DAAM1: variants seen among roughly 807,000 people sequenced by gnomAD.
The protein encoded by DAAM1 is dishevelled associated activator of morphogenesis 1, also known as disheveled-associated activator of morphogenesis 1.
In DAAM1, 52 loss-of-function variants were observed where a neutral mutation model predicts 130.0. That is an observed-to-expected ratio of 0.40 (90% CI 0.32 to 0.50). The LOEUF is 0.50. Among genes scored for constraint, DAAM1 ranks in the 20% least tolerant of loss-of-function variants. DAAM1 has a pLI of 0.61. For synonymous variants in DAAM1, 452 were observed against 444.5 expected, an observed-to-expected ratio of 1.02 and a Z score of -0.21; for missense variants, 1,134 against 1,303.8, an observed-to-expected ratio of 0.87 and a Z score of 2.01.
At chr14:59,313,090 A>G (rs181404436) in intron 3 of DAAM1, among the ~76,000 whole-genome samples, 49 of 152,362 alleles carry the variant, frequency 3.2e-4, no homozygotes, top group African/African-American at 1.2e-3. Flanking sequence ...TCCTCCTGCC[A>G]GAGAACAATT....
chr14:59,227,835 C>T (rs1888988772), intron 1 of DAAM1, among the ~76,000 whole-genome samples: 1 of 152,204 alleles, frequency 6.6e-6, no homozygotes, highest in South Asian at 2.1e-4. Context: ...TAGGGGCACC[C>T]AGGACTAATG....
chr14:59,218,810 C>T (rs919491453), intron 1 of DAAM1, among the ~76,000 whole-genome samples: 36 of 152,230 alleles, frequency 2.4e-4, no homozygotes, highest in African/African-American at 8.2e-4. Context: ...GCTATCTTTA[C>T]CCTGAAATTT....
At chr14:59,268,298 T>C (rs754435839) in intron 2 of DAAM1, among the ~76,000 whole-genome samples, 2 of 152,242 alleles carry the variant, frequency 1.3e-5, no homozygotes, top group Non-Finnish European at 2.9e-5. Flanking sequence ...AAAGCTGCTA[T>C]AAATATCCAT....
At chr14:59,213,642 T>C (rs1888494513) in intron 1 of DAAM1, among the ~76,000 whole-genome samples, 1 of 152,234 alleles carries the variant, frequency 6.6e-6, no homozygotes, top group Admixed American at 6.5e-5. Context: ...CAAATCTGTT[T>C]CAGCCCTTAA....
At chr14:59,268,835 C>G (rs1005592893) in intron 2 of DAAM1, among the ~76,000 whole-genome samples, 5 of 152,078 alleles carry the variant, frequency 3.3e-5, no homozygotes, top group African/African-American at 1.2e-4. Flanking sequence ...GAAATATAAC[C>G]AATATGAATA....
chr14:59,207,282 A>G (rs1015617476), intron 1 of DAAM1, among the ~76,000 whole-genome samples: 1 of 152,228 alleles, frequency 6.6e-6, no homozygotes, highest in East Asian at 1.9e-4. Flanking sequence ...TCACTACCAG[A>G]CAAAATTCAT....
At chr14:59,281,357 C>T (rs537965264) in intron 2 of DAAM1, among the ~76,000 whole-genome samples, 4 of 152,314 alleles carry the variant, frequency 2.6e-5, no homozygotes, top group Admixed American at 2.6e-4. Context: ...GTTTTCTGCT[C>T]CAAAGGTGAA....
At chr14:59,342,214 T>C (rs1385007364) in intron 16 of DAAM1, among the ~76,000 whole-genome samples, 2 of 152,194 alleles carry the variant, frequency 1.3e-5, no homozygotes, top group Non-Finnish European at 2.9e-5. Flanking sequence ...ATTATTACAG[T>C]GAGCACAATT....
intron 1 of DAAM1, among the ~76,000 whole-genome samples, chr14:59,246,839 A>G (rs1433109015): frequency 6.6e-6 from 1 of 152,146 alleles, no homozygotes; most frequent in African/African-American, 2.4e-5. Context: ...CATGTTGGTC[A>G]TTTGTATGTC....
chr14:59,312,107 G>T (rs1884621926), intron 3 of DAAM1, among the ~76,000 whole-genome samples: 2 of 152,082 alleles, frequency 1.3e-5, no homozygotes, highest in Admixed American at 6.6e-5. Flanking sequence ...GTAATTATAG[G>T]CTAAATTCCT....
At chr14:59,301,923 C>T (rs1241171890) in intron 3 of DAAM1, among the ~76,000 whole-genome samples, 1 of 152,188 alleles carries the variant, frequency 6.6e-6, no homozygotes, top group African/African-American at 2.4e-5. Flanking sequence ...AATGTGTGTG[C>T]TTTGTGGATA....
rs146476813 is a variant in DAAM1 at position 59,242,862 on chromosome 14, C to T, written c.-37-20579C>T. ...AGCCACCGTGCCCAGCCGCTGGGTA[C>T]TATTATTATTTTCATTTTACAGATG... On this transcript the variant is annotated intron_variant, in intron 1 of 24. Coordinates refer to ENST00000360909, the MANE Select transcript of DAAM1 (RefSeq NM_001270520.2). 3.9e-5 allele frequency among the ~76,000 whole-genome samples: 6 copies of T among 152,146 alleles called. No individual in the cohort carries two copies. The East Asian group carries it at 9.7e-4, about 25-fold the overall frequency.
chr14:59,343,138 A>C (rs961033856), intron 16 of DAAM1, among the ~76,000 whole-genome samples: 1 of 152,208 alleles, frequency 6.6e-6, no homozygotes, highest in Admixed American at 6.5e-5. Flanking sequence ...GGGTGCCTGC[A>C]TGGGAGCTGC....
At chr14:59,307,615 T>C (rs1243943272) in intron 3 of DAAM1, among the ~76,000 whole-genome samples, 4 of 152,190 alleles carry the variant, frequency 2.6e-5, no homozygotes, top group Admixed American at 6.5e-5. Flanking sequence ...TGGCATTTTG[T>C]ATTGGCTCAA....
intron 1 of DAAM1, among the ~76,000 whole-genome samples, chr14:59,189,065 CCCTT>C (rs2139372121): frequency 6.6e-6 from 1 of 152,310 alleles, no homozygotes; most frequent in East Asian, 1.9e-4. Flanking sequence ...TGGGGTCCCT[CCCTT>C]TCTTTCTAAG....
chr14:59,335,487 T>C (rs1594831834), intron 15 of DAAM1, among the ~76,000 whole-genome samples: 1 of 152,318 alleles, frequency 6.6e-6, no homozygotes, highest in East Asian at 1.9e-4. Context: ...AATTAAACAA[T>C]ATTCATCTCC....
chr14:59,326,641 G>A lies in DAAM1; in HGVS notation c.1306G>A (p.Val436Ile), dbSNP rs145334981. 1.0e-4 allele frequency: 169 copies of A among 1,611,802 alleles called. No individual in the cohort carries two copies. The highest frequency in any genetic ancestry group is 2.2e-4 in the South Asian group (20 of 90,264). Residue 436 changes from valine (V) to isoleucine (I), a missense_variant, in exon 11 of 25, where the codon GTA becomes ATA. Val to Ile is a conservative substitution (Grantham distance 29). Around this residue, in one of 3 missense-constraint regions of DAAM1, gnomAD observed 391 missense variants for 521.6 expected, o/e 0.75. Transcript: ENST00000360909. ...PLENFNIKNV[V>I]RMLVNENEVK... ...GGAAAACTTTAATATTAAGAATGTC[G>A]TACGAATGTAAGTCTCTTCTTATTC...
At chr14:59,204,457 C>T (rs1293891381) in intron 1 of DAAM1, among the ~76,000 whole-genome samples, 1 of 152,130 alleles carries the variant, frequency 6.6e-6, no homozygotes, top group Non-Finnish European at 1.5e-5. Context: ...TGATTTTTTT[C>T]CCTGCAATCA....
At position 59,340,199 on chromosome 14, in the gene DAAM1, A is replaced by T. The variant is rs1885791699; in HGVS notation, c.2075+19A>T. The T allele has an allele frequency of 6.2e-7, 1 of 1,604,106 alleles. No homozygotes were observed. The highest frequency in any genetic ancestry group is 1.3e-5 in the African/African-American group (1 of 74,752). On this transcript the variant is annotated intron_variant, in intron 16 of 24. Coordinates refer to ENST00000360909, the MANE Select transcript of DAAM1 (RefSeq NM_001270520.2). ...TATCGAGGTATTGTTGATGTTGAAT[A>T]AACATTTCTAGTAGGACCAACATTT...
Sources: gnomAD v4.1 joint callset for allele counts (sites outside exome capture counted in the v4.1 genomes callset) on GRCh38, gnomAD v4.1.1 for gene constraint, gnomAD v4.1.1 regional missense constraint, MANE v1.5 for transcripts, NCBI Gene and HGNC (gene_info 2026-07-23, HGNC 2026-07-21) for gene names.